APOLD1: variants seen among roughly 807,000 people sequenced by gnomAD.
APOLD1 encodes apolipoprotein L domain-containing protein 1.
Under a neutral mutation model 15.3 loss-of-function variants are expected in APOLD1, and 22 were observed. The observed-to-expected ratio is 1.44, with a 90% CI of 1.03 to 2.05. The LOEUF is 2.05. APOLD1 is among the 30% of genes most tolerant of loss of function. The pLI is 0.00. For missense variants in APOLD1, 394 were observed against 353.5 expected (o/e 1.11, Z -0.92); for synonymous variants, 190 against 167.4 (o/e 1.13, Z -1.04).
rs534783192 is a variant in APOLD1 at position 12,788,792 on chromosome 12, T to G, written c.*1140T>G. 1 of 152,334 alleles carries G rather than the reference T, an allele frequency of 6.6e-6. No individual in the cohort carries two copies. The highest frequency in any genetic ancestry group is 2.1e-4 in the South Asian group (1 of 4,824). The allele number at this position is 152,334 out of a possible 1,614,324, so 9.4% of individuals were successfully genotyped here. A position where few individuals can be genotyped will look rare whatever the true frequency, so the allele number is the denominator to read the frequency against. ...AAATGCTAACTTCTAATCCCCTTGA[T>G]GAGCTTTCACGAAGTCTCACGGCTT... On this transcript the variant is annotated 3_prime_UTR_variant, in exon 2 of 2. Coordinates refer to ENST00000356591, the MANE Select transcript of APOLD1 (RefSeq NM_030817.3).
intron 1 of APOLD1, among the ~76,000 whole-genome samples, chr12:12,740,627 A>C (rs977163190): frequency 2.6e-5 from 4 of 152,238 alleles, no homozygotes; most frequent in African/African-American, 9.6e-5. Flanking sequence ...AGTTCCTTTC[A>C]AACCTGGTTG....
At chr12:12,767,471 G>A (rs191765905) in intron 1 of APOLD1, among the ~76,000 whole-genome samples, 60 of 152,202 alleles carry the variant, frequency 3.9e-4, no homozygotes, top group Admixed American at 9.2e-4. Context: ...AAAGTAGCCT[G>A]GCCAATGGGG....
At chr12:12,759,504 T>C (rs1272433632) in intron 1 of APOLD1, among the ~76,000 whole-genome samples, 1 of 152,200 alleles carries the variant, frequency 6.6e-6, no homozygotes, top group Admixed American at 6.5e-5. Context: ...AATATGTTGA[T>C]GGAAATAAGG....
At chr12:12,728,876 T>C (rs1382150648) in intron 1 of APOLD1, among the ~76,000 whole-genome samples, 1 of 152,132 alleles carries the variant, frequency 6.6e-6, no homozygotes, top group Non-Finnish European at 1.5e-5. Flanking sequence ...ATTGGGTCTC[T>C]AGCAGAAGCC....
chr12:12,748,079 G>C (rs574279463), intron 1 of APOLD1, among the ~76,000 whole-genome samples: 1 of 152,178 alleles, frequency 6.6e-6, no homozygotes, highest in Non-Finnish European at 1.5e-5. Flanking sequence ...GCTGAAGAGC[G>C]TTAATAAGCA....
In APOLD1 at chr12:12,787,559, G is replaced by A. The variant is rs1296403697; in HGVS notation, c.654G>A (p.Glu218=). 3.7e-6 allele frequency: 6 copies of A among 1,613,542 alleles called. No homozygotes were observed. The highest frequency in any genetic ancestry group is 5.1e-6 in the Non-Finnish European group (6 of 1,180,054). The part of the protein sequence containing the change: ...SCTGALDELS[E]QLESRVQLCT... ...CCGGGGCTCTGGACGAACTCAGCGAGCAGCTGGAGTCTCGGGTTCAGCTCT... is the reference window on the plus strand; with the variant it reads ...CCGGGGCTCTGGACGAACTCAGCGAACAGCTGGAGTCTCGGGTTCAGCTCT... Residue 218 remains glutamate (E), a synonymous_variant, in exon 2 of 2, where the codon GAG becomes GAA. Coordinates refer to ENST00000356591, the MANE Select transcript of APOLD1 (RefSeq NM_030817.3). The surrounding 1 kb of genome is among the most constrained non-coding windows in gnomAD (Gnocchi z 4.9).
intron 1 of APOLD1, among the ~76,000 whole-genome samples, chr12:12,737,233 T>A (rs1946694709): frequency 2.0e-5 from 3 of 151,826 alleles, no homozygotes; most frequent in African/African-American, 4.8e-5. Flanking sequence ...GTTTTTTTTT[T>A]AAATTGAAGA....
chr12:12,732,741 A>AG (rs890008424), intron 1 of APOLD1, among the ~76,000 whole-genome samples: 4 of 151,790 alleles, frequency 2.6e-5, no homozygotes, highest in African/African-American at 9.7e-5. Flanking sequence ...AAAAAAAAAA[A>AG]AAAAGAAAAG....
At chr12:12,754,239 C>G (rs1242643698) in intron 1 of APOLD1, among the ~76,000 whole-genome samples, 2 of 131,508 alleles carry the variant, frequency 1.5e-5, no homozygotes, top group Non-Finnish European at 3.3e-5. Flanking sequence ...AAAAAAACAT[C>G]AGTGCAATGA....
intron 1 of APOLD1, among the ~76,000 whole-genome samples, chr12:12,773,900 T>A (rs1170683836): frequency 7.2e-5 from 11 of 152,044 alleles, no homozygotes; most frequent in Non-Finnish European, 1.3e-4. Context: ...CAGAAAAAAA[T>A]GAGTCTAGAC....
intron 1 of APOLD1, among the ~76,000 whole-genome samples, chr12:12,767,900 C>G (rs1054385337): frequency 6.6e-6 from 1 of 151,886 alleles, no homozygotes; most frequent in East Asian, 1.9e-4. Flanking sequence ...ATTCTTCTGC[C>G]TCAGCCTCCC....
At chr12:12,785,986 A>G (rs1030846287) in intron 1 of APOLD1, among the ~76,000 whole-genome samples, 3 of 152,170 alleles carry the variant, frequency 2.0e-5, no homozygotes, top group African/African-American at 7.2e-5. Context: ...AGTTCCTAAT[A>G]ATGAAGAGTA....
intron 1 of APOLD1, among the ~76,000 whole-genome samples, chr12:12,773,412 A>C (rs1346246139): frequency 1.3e-5 from 2 of 152,102 alleles, no homozygotes; most frequent in African/African-American, 4.8e-5. Context: ...TAAATTAAAA[A>C]ATTAACCAGG....
chr12:12,741,268 A>G (rs1283874379), intron 1 of APOLD1, among the ~76,000 whole-genome samples: 1 of 152,210 alleles, frequency 6.6e-6, no homozygotes, highest in Non-Finnish European at 1.5e-5. Context: ...GGGCAGTGGC[A>G]CCATCATAGG....
At chr12:12,740,197 G>T (rs1027177693) in intron 1 of APOLD1, among the ~76,000 whole-genome samples, 10 of 152,128 alleles carry the variant, frequency 6.6e-5, no homozygotes, top group Non-Finnish European at 1.2e-4. Context: ...TAGCCAGGAT[G>T]GTCTTGATCT....
intron 1 of APOLD1, among the ~76,000 whole-genome samples, chr12:12,746,511 A>ATAAATAAATACG (rs1946767562): frequency 2.1e-4 from 2 of 9,602 alleles, no homozygotes; most frequent in Admixed American, 1.8e-3. Context: ...AAATAAATAA[A>ATAAATAAATACG]TAAATACATA....
chr12:12,770,373 A>C (rs1055921342), intron 1 of APOLD1, among the ~76,000 whole-genome samples: 1 of 152,192 alleles, frequency 6.6e-6, no homozygotes, highest in Admixed American at 6.5e-5. Context: ...CCTTTGCACT[A>C]CAGCCTGGGT....
At chr12:12,730,714 GTTT>G (rs57016384) in intron 1 of APOLD1, among the ~76,000 whole-genome samples, 45 of 126,116 alleles carry the variant, frequency 3.6e-4, no homozygotes, top group Admixed American at 4.3e-4. Flanking sequence ...AAAGAAAAAA[GTTT>G]TTTTTTTTTT....
At chr12:12,758,726 A>G (rs1946877373) in intron 1 of APOLD1, among the ~76,000 whole-genome samples, 1 of 152,190 alleles carries the variant, frequency 6.6e-6, no homozygotes, top group Admixed American at 6.5e-5. Flanking sequence ...TTTGAGATGC[A>G]ACAGCAAAAC....
Sources: gnomAD v4.1 joint callset for allele counts (sites outside exome capture counted in the v4.1 genomes callset) on GRCh38, gnomAD v4.1.1 for gene constraint, Gnocchi (gnomAD v3.1) non-coding constraint, MANE v1.5 for transcripts, NCBI Gene and HGNC (gene_info 2026-07-23, HGNC 2026-07-21) for gene names.